LARGE1: variants seen among roughly 807,000 people sequenced by gnomAD.
LARGE1 encodes LARGE xylosyl- and glucuronyltransferase 1.
In LARGE1, 43 loss-of-function variants were observed where a neutral mutation model predicts 87.6. That is an observed-to-expected ratio of 0.49 (90% CI 0.38 to 0.63). The LOEUF (loss-of-function observed/expected upper bound fraction) is 0.63, where lower values mean the gene tolerates loss of function less well. LARGE1 is among the 30% of genes least tolerant of loss of function. The pLI, the probability that LARGE1 is intolerant of heterozygous loss-of-function variation, is 0.00. For missense variants in LARGE1, 802 were observed against 1,000.2 expected, an observed-to-expected ratio of 0.80 and a Z score of 2.67; for synonymous variants, 434 against 394.6, an observed-to-expected ratio of 1.10 and a Z score of -1.18.
At chr22:33,825,891 C>T (rs867204772) in intron 1 of LARGE1, among the ~76,000 whole-genome samples, 36 of 151,912 alleles carry the variant, frequency 2.4e-4, no homozygotes, top group Middle Eastern at 3.4e-3. Flanking sequence ...TGTGGGAAGG[C>T]GTTATAATGG....
intron 1 of LARGE1, among the ~76,000 whole-genome samples, chr22:33,842,871 C>A (rs1471936156): frequency 1.3e-5 from 2 of 152,042 alleles, no homozygotes; most frequent in East Asian, 3.9e-4. Flanking sequence ...CAGCATTTTA[C>A]CTGTTGCTCT....
chr22:33,918,930 T>G (rs1219135059), intron 1 of LARGE1, among the ~76,000 whole-genome samples: 1 of 150,944 alleles, frequency 6.6e-6, no homozygotes, highest in Non-Finnish European at 1.5e-5. Context: ...CTCCTCTCTC[T>G]CTCTCTCTGG....
At chr22:33,537,414 T>C (rs760036648) in intron 6 of LARGE1, among the ~76,000 whole-genome samples, 121 of 152,248 alleles carry the variant, frequency 7.9e-4, no homozygotes, top group Non-Finnish European at 1.4e-3. Flanking sequence ...ATTATATCGC[T>C]TCTTCTCTCT....
chr22:33,289,227 G>C (rs1932100135), intron 12 of LARGE1, among the ~76,000 whole-genome samples: 1 of 152,104 alleles, frequency 6.6e-6, no homozygotes, highest in African/African-American at 2.4e-5. Context: ...CAAAGTGCTG[G>C]AATTACAGGC....
intron 6 of LARGE1, among the ~76,000 whole-genome samples, chr22:33,481,691 G>A (rs1044419288): frequency 6.6e-5 from 10 of 152,100 alleles, no homozygotes; most frequent in Non-Finnish European, 1.2e-4. Context: ...GATATTCCCC[G>A]GGTAAACCTT....
At chr22:33,768,028 G>A (rs1170184584) in intron 1 of LARGE1, among the ~76,000 whole-genome samples, 1 of 152,232 alleles carries the variant, frequency 6.6e-6, no homozygotes, top group Non-Finnish European at 1.5e-5. Flanking sequence ...AGGTCCTATA[G>A]GCCGGGCGTG....
In LARGE1 at chr22:33,266,774, T is replaced by C. The variant is rs559682842; in HGVS notation, c.1730+37455A>G. 5.9e-5 allele frequency among the ~76,000 whole-genome samples: 9 copies of C among 151,662 alleles called. 1 individual carries two copies. Among genetic ancestry groups the C allele is most frequent in the African/African-American group, 2.2e-4 (9 of 40,986 alleles). On this transcript the variant is annotated intron_variant, in intron 11 of 11. Coordinates refer to the LARGE1 transcript ENST00000608642. The stretch of plus-strand genomic sequence containing the variant: ...TATGAGGCCAACCAACAGACTCCTG[T>C]CTGCTGATTTACTCCATGCTCCCTG...
intron 6 of LARGE1, among the ~76,000 whole-genome samples, chr22:33,479,906 A>G (rs970567213): frequency 1.3e-5 from 2 of 152,020 alleles, no homozygotes; most frequent in Admixed American, 1.3e-4. Flanking sequence ...TACCACACCC[A>G]GCTAATTTTT....
intron 6 of LARGE1, among the ~76,000 whole-genome samples, chr22:33,461,050 A>G (rs1395275704): frequency 6.6e-6 from 1 of 152,210 alleles, no homozygotes; most frequent in Admixed American, 6.6e-5. Flanking sequence ...CGAACTTACC[A>G]CAACATCAAA....
chr22:33,556,830 A>G (rs1602416400), intron 6 of LARGE1, among the ~76,000 whole-genome samples: 1 of 151,986 alleles, frequency 6.6e-6, no homozygotes, highest in African/African-American at 2.4e-5. Context: ...ACATGGTGAA[A>G]CCCTGTCTCT....
chr22:33,480,213 C>T (rs545082980), intron 6 of LARGE1, among the ~76,000 whole-genome samples: 4 of 152,278 alleles, frequency 2.6e-5, no homozygotes, highest in East Asian at 1.9e-4. Flanking sequence ...ACGCAGACCT[C>T]GGAGCAGGGC....
chr22:33,769,863 T>C, intron 1 of LARGE1, among the ~76,000 whole-genome samples: 1 of 152,352 alleles, frequency 6.6e-6, no homozygotes, highest in Middle Eastern at 3.4e-3. Flanking sequence ...CTCTCTCTAA[T>C]GAAGACCCCT....
intron 11 of LARGE1, among the ~76,000 whole-genome samples, chr22:33,193,989 CAT>C (rs980137833): frequency 2.0e-5 from 3 of 146,428 alleles, no homozygotes; most frequent in Non-Finnish European, 3.0e-5. Flanking sequence ...TATAATTTTA[CAT>C]ATATATAAAA....
intron 3 of LARGE1, among the ~76,000 whole-genome samples, chr22:33,637,665 A>C (rs1261669293): frequency 6.6e-6 from 1 of 152,234 alleles, no homozygotes; most frequent in Non-Finnish European, 1.5e-5. Context: ...ACACTTGAAC[A>C]GTCCTAAGGA....
At chr22:33,353,002 T>C (rs1298715931) in intron 9 of LARGE1, among the ~76,000 whole-genome samples, 2 of 152,190 alleles carry the variant, frequency 1.3e-5, no homozygotes, top group Non-Finnish European at 1.5e-5. Context: ...TATAAGCTCT[T>C]CCTTAGCTAC....
chr22:33,718,974 A>G (rs2082995208), intron 2 of LARGE1, among the ~76,000 whole-genome samples: 1 of 152,246 alleles, frequency 6.6e-6, no homozygotes, highest in South Asian at 2.1e-4. Context: ...CTTTTAGTAG[A>G]GACGGAGTTT....
chr22:33,574,248 C>CA (rs773863094), intron 5 of LARGE1, among the ~76,000 whole-genome samples: 11 of 152,098 alleles, frequency 7.2e-5, no homozygotes, highest in African/African-American at 1.2e-4. Flanking sequence ...TTTTGGAGAT[C>CA]AAAATCCAAA....
At chr22:33,320,224 T>G (rs1041124410) in intron 10 of LARGE1, among the ~76,000 whole-genome samples, 5 of 152,112 alleles carry the variant, frequency 3.3e-5, no homozygotes, top group Non-Finnish European at 5.9e-5. Context: ...GGCCTCATCA[T>G]TGGTCTGTGT....
chr22:33,098,511 C>T, the LARGE1 span, among the ~76,000 whole-genome samples: 13 of 152,024 alleles, frequency 8.6e-5, no homozygotes, highest in Non-Finnish European at 1.8e-4. Context: ...GTCCCAGCTA[C>T]TCGGGAGGCT....
Sources: allele counts gnomAD v4.1 joint callset (sites outside exome capture counted in the v4.1 genomes callset), GRCh38; gene constraint gnomAD v4.1.1; transcripts MANE v1.5; gene names NCBI Gene and HGNC (gene_info 2026-07-23, HGNC 2026-07-21).